ARNT2: variants seen among roughly 807,000 people sequenced by gnomAD.
ARNT2 encodes aryl hydrocarbon receptor nuclear translocator 2, also known as ARNT protein 2.
A neutral mutation model predicts 91.7 loss-of-function variants in ARNT2; 36 were observed. That is an observed-to-expected ratio of 0.39 (90% confidence interval 0.30 to 0.52). The LOEUF is 0.52. Ranked by LOEUF, ARNT2 falls within the 20% of genes least tolerant of loss-of-function variation. ARNT2 has a pLI of 0.72. For missense variants in ARNT2, 775 were observed against 939.3 expected, an observed-to-expected ratio of 0.83 and a Z score of 2.29; for synonymous variants, 365 against 347.1, an observed-to-expected ratio of 1.05 and a Z score of -0.57.
chr15:80,472,914 G>T (rs1369303624), intron 4 of ARNT2, among the ~76,000 whole-genome samples: 1 of 152,162 alleles, frequency 6.6e-6, no homozygotes, highest in Admixed American at 6.5e-5. Flanking sequence ...GGTTTGAAAT[G>T]AATCTCGTTA....
intron 11 of ARNT2, among the ~76,000 whole-genome samples, chr15:80,562,409 T>C (rs914944771): frequency 1.3e-5 from 2 of 152,258 alleles, no homozygotes; most frequent in Admixed American, 1.3e-4. Flanking sequence ...GGATGACTTA[T>C]TTAATTTCTC....
At chr15:80,460,778 C>T (rs560538124) in intron 3 of ARNT2, among the ~76,000 whole-genome samples, 43 of 152,020 alleles carry the variant, frequency 2.8e-4, no homozygotes, top group South Asian at 1.5e-3. Context: ...GAAGGGGCTC[C>T]GGGAGGGGTA....
chr15:80,592,408 A>G (rs976731868), intron 18 of ARNT2, among the ~76,000 whole-genome samples: 13 of 152,158 alleles, frequency 8.5e-5, no homozygotes, highest in African/African-American at 3.1e-4. Context: ...CCCTTCAGCC[A>G]TCCCTCCAGG....
intron 12 of ARNT2, among the ~76,000 whole-genome samples, chr15:80,564,675 C>G (rs536491610): frequency 9.1e-6 from 1 of 109,742 alleles, no homozygotes; most frequent in African/African-American, 3.5e-5. Context: ...CCCCTTCCCT[C>G]CCTCCCACCC....
chr15:80,437,474 C>T (rs557036803), intron 1 of ARNT2, among the ~76,000 whole-genome samples: 2 of 152,260 alleles, frequency 1.3e-5, no homozygotes, highest in South Asian at 4.2e-4. Flanking sequence ...ATCAGAAAAC[C>T]CTGAATATGA....
At chr15:80,565,734 T>A (rs1026465956) in intron 12 of ARNT2, among the ~76,000 whole-genome samples, 4 of 152,194 alleles carry the variant, frequency 2.6e-5, no homozygotes, top group African/African-American at 9.7e-5. Context: ...GGATTTGTTT[T>A]TTTCTCATTG....
intron 5 of ARNT2, among the ~76,000 whole-genome samples, chr15:80,490,929 T>C (rs918265123): frequency 6.6e-6 from 1 of 152,110 alleles, no homozygotes; most frequent in African/African-American, 2.4e-5. Context: ...AACAGGAGGC[T>C]ATGGGACAGG....
At chr15:80,592,262 G>A (rs1486375798) in intron 18 of ARNT2, among the ~76,000 whole-genome samples, 1 of 152,212 alleles carries the variant, frequency 6.6e-6, no homozygotes, top group African/African-American at 2.4e-5. Flanking sequence ...GTCTAAGGCA[G>A]ACTGTGTGGC....
At chr15:80,412,805 C>G (rs146891589) in intron 1 of ARNT2, among the ~76,000 whole-genome samples, 2 of 152,268 alleles carry the variant, frequency 1.3e-5, no homozygotes, top group East Asian at 3.9e-4. Flanking sequence ...TAGAATTGAA[C>G]AGTCAAATGG....
chr15:80,404,431 G>A lies in ARNT2; in HGVS notation c.-85G>A. The A allele has an allele frequency of 3.1e-6, 3 of 973,504 alleles. No homozygotes were observed. Among genetic ancestry groups the A allele is most frequent in the Non-Finnish European group, 3.8e-6 (3 of 787,628 alleles). 60.3% of individuals were successfully genotyped at this position (973,504 alleles called of 1,614,324 possible). A position where few individuals can be genotyped will look rare whatever the true frequency, so the allele number is the denominator to read the frequency against. The stretch of plus-strand genomic sequence containing the variant: ...TGTGGCGGCGGCGGCGCCTGGGCCT[G>A]ACCGGGTCCCCGGGGCTGAGCGCCG... On this transcript the variant is annotated 5_prime_UTR_variant, in exon 1 of 19. Transcript: ENST00000303329. This position sits in a 1 kb window ranked among gnomAD's most constrained non-coding sequence, Gnocchi z 5.5.
At chr15:80,477,197 T>C (rs1302119321) in intron 5 of ARNT2, among the ~76,000 whole-genome samples, 1 of 152,228 alleles carries the variant, frequency 6.6e-6, no homozygotes, top group African/African-American at 2.4e-5. Context: ...TTAAACCTCT[T>C]TTCTTTGTGA....
At chr15:80,455,666 T>A (rs1169613560) in intron 2 of ARNT2, among the ~76,000 whole-genome samples, 1 of 152,022 alleles carries the variant, frequency 6.6e-6, no homozygotes, top group African/African-American at 2.4e-5. Flanking sequence ...GTATCTCCAC[T>A]CCTATACTGA....
chr15:80,558,761 A>G (rs529104781), intron 11 of ARNT2, among the ~76,000 whole-genome samples: 1 of 152,330 alleles, frequency 6.6e-6, no homozygotes, highest in Admixed American at 6.5e-5. Flanking sequence ...TTTTGGAAAA[A>G]TGTGAAATTG....
intron 1 of ARNT2, among the ~76,000 whole-genome samples, chr15:80,432,642 C>T (rs1896027515): frequency 6.6e-6 from 1 of 152,032 alleles, no homozygotes; most frequent in Non-Finnish European, 1.5e-5. Flanking sequence ...GTTTGCCAAC[C>T]TGTGGCTTAG....
intron 5 of ARNT2, among the ~76,000 whole-genome samples, chr15:80,485,105 C>T (rs188377849): frequency 6.0e-4 from 92 of 152,314 alleles, no homozygotes; most frequent in African/African-American, 2.2e-3. Flanking sequence ...CATTTAAACA[C>T]TACTATAGAT....
At chr15:80,432,253 C>T (rs148835454) in intron 1 of ARNT2, among the ~76,000 whole-genome samples, 1 of 152,218 alleles carries the variant, frequency 6.6e-6, no homozygotes, top group African/African-American at 2.4e-5. Context: ...GCCATCAGGT[C>T]AGCTGAATTA....
chr15:80,468,298 G>A (rs776502724), intron 3 of ARNT2, among the ~76,000 whole-genome samples: 8 of 151,344 alleles, frequency 5.3e-5, no homozygotes, highest in Non-Finnish European at 7.4e-5. Flanking sequence ...AACCTCTCCC[G>A]CAACCTGCAC....
chr15:80,580,684 T>C, intron 16 of ARNT2, 135 bp downstream of exon 16: 1 of 1,183,688 alleles, frequency 8.4e-7, no homozygotes, highest in Middle Eastern at 2.9e-4. Flanking sequence ...AGCAGCTGGC[T>C]ACTCAGGAGC....
At chr15:80,549,406 C>T (rs1234966143) in intron 8 of ARNT2, among the ~76,000 whole-genome samples, 1 of 151,972 alleles carries the variant, frequency 6.6e-6, no homozygotes, top group Non-Finnish European at 1.5e-5. Flanking sequence ...TTTAAATCAC[C>T]ACAAAGTCAA....
Sources: allele counts gnomAD v4.1 joint callset (sites outside exome capture counted in the v4.1 genomes callset), GRCh38; gene constraint gnomAD v4.1.1; non-coding constraint Gnocchi (gnomAD v3.1); transcripts MANE v1.5; gene names NCBI Gene and HGNC (gene_info 2026-07-23, HGNC 2026-07-21).